The following SEMA6D variants were observed in gnomAD, a reference collection of about 807,000 sequenced individuals.
SEMA6D encodes semaphorin-6D.
In SEMA6D, 35 loss-of-function variants were observed where a neutral mutation model predicts 106.6. That is an observed-to-expected ratio of 0.33 (90% CI 0.25 to 0.44). The LOEUF (loss-of-function observed/expected upper bound fraction) is 0.44, where lower values mean the gene tolerates loss of function less well. SEMA6D is among the 20% of genes least tolerant of loss of function. The pLI is 1.00. For missense variants in SEMA6D, 1,185 were observed against 1,345.9 expected, an observed-to-expected ratio of 0.88 and a Z score of 1.87; for synonymous variants, 499 against 487.7, an observed-to-expected ratio of 1.02 and a Z score of -0.31.
chr15:47,638,753 C>G (rs915750116), intron 4 of SEMA6D, among the ~76,000 whole-genome samples: 1 of 152,184 alleles, frequency 6.6e-6, no homozygotes, highest in Non-Finnish European at 1.5e-5. Context: ...GCTCTCCCTC[C>G]GCATTTCTCG....
At chr15:47,737,227 G>C (rs1409287622) in intron 1 of SEMA6D, among the ~76,000 whole-genome samples, 2 of 152,150 alleles carry the variant, frequency 1.3e-5, no homozygotes, top group East Asian at 3.9e-4. Context: ...TGTTCTCTAG[G>C]AAGTTATCCT....
At chr15:47,267,982 C>T (rs1168323493) in intron 1 of SEMA6D, among the ~76,000 whole-genome samples, 1 of 152,036 alleles carries the variant, frequency 6.6e-6, no homozygotes, top group Non-Finnish European at 1.5e-5. Context: ...TGTCTAGGCC[C>T]TTGCTACCCA....
At chr15:47,197,050 G>T (rs1202010471) in intron 1 of SEMA6D, among the ~76,000 whole-genome samples, 1 of 152,124 alleles carries the variant, frequency 6.6e-6, no homozygotes, top group East Asian at 1.9e-4. Context: ...TCATCTATGT[G>T]GCCAAATGGG....
intron 3 of SEMA6D, among the ~76,000 whole-genome samples, chr15:47,536,482 C>T (rs1419398926): frequency 2.0e-5 from 3 of 152,260 alleles, no homozygotes; most frequent in East Asian, 1.9e-4. Flanking sequence ...CAGTCTCAGT[C>T]GTCAGATTGT....
intron 1 of SEMA6D, among the ~76,000 whole-genome samples, chr15:47,227,886 T>C (rs1464196724): frequency 6.9e-6 from 1 of 144,772 alleles, no homozygotes; most frequent in Non-Finnish European, 1.5e-5. Flanking sequence ...AAGAATCATA[T>C]ATATTTTATA....
At chr15:47,254,445 G>T (rs1189417694) in intron 1 of SEMA6D, among the ~76,000 whole-genome samples, 3 of 151,148 alleles carry the variant, frequency 2.0e-5, no homozygotes, top group Non-Finnish European at 4.4e-5. Context: ...AGTTGCTCCG[G>T]CTGGTACTTC....
At chr15:47,310,763 A>G (rs1160840859) in intron 1 of SEMA6D, among the ~76,000 whole-genome samples, 1 of 152,196 alleles carries the variant, frequency 6.6e-6, no homozygotes, top group Non-Finnish European at 1.5e-5. Context: ...CAAATGTTAC[A>G]CTATATCATA....
chr15:47,598,927 CT>C (rs2076589444), intron 3 of SEMA6D, among the ~76,000 whole-genome samples: 1 of 151,950 alleles, frequency 6.6e-6, no homozygotes, highest in African/African-American at 2.4e-5. Flanking sequence ...CTTAAAACAC[CT>C]TTCCACTCAA....
At position 47,569,787 on chromosome 15, in the gene SEMA6D, G is replaced by A. The variant is rs150169492; in HGVS notation, c.-86-31078G>A. Reference sequence around the variant, plus strand: ...ATTTTATAAGGATTTGAGGCCAGGCGCAGTGGCTTACACCTGTAATCCCAG... The same window carrying A: ...ATTTTATAAGGATTTGAGGCCAGGCACAGTGGCTTACACCTGTAATCCCAG... On this transcript the variant is annotated intron_variant, in intron 3 of 19. Transcript: ENST00000558014. Among the ~76,000 whole-genome samples the A allele has an allele frequency of 3.5e-3, 536 of 152,262 alleles. 1 individual carries two copies. The highest frequency in any genetic ancestry group is 5.7e-3 in the Non-Finnish European group (390 of 68,018).
intron 1 of SEMA6D, chr15:47,730,647 C>G: frequency 1.2e-6 from 2 of 1,602,512 alleles, no homozygotes; most frequent in East Asian, 2.2e-5. Flanking sequence ...TACTTGTGGG[C>G]CAGCTTATGC....
intron 1 of SEMA6D, among the ~76,000 whole-genome samples, chr15:47,202,950 T>C (rs964036828): frequency 5.9e-5 from 9 of 152,160 alleles, no homozygotes; most frequent in African/African-American, 2.2e-4. Flanking sequence ...CTGAGAGATA[T>C]CTCTCTCCAA....
intron 1 of SEMA6D, among the ~76,000 whole-genome samples, chr15:47,249,733 T>G (rs150060816): frequency 6.6e-6 from 1 of 151,910 alleles, no homozygotes; most frequent in African/African-American, 2.4e-5. Context: ...TGAATAAAGG[T>G]CCTTAGCAAA....
At chr15:47,536,035 T>C (rs895039581) in intron 3 of SEMA6D, among the ~76,000 whole-genome samples, 1 of 152,190 alleles carries the variant, frequency 6.6e-6, no homozygotes, top group African/African-American at 2.4e-5. Flanking sequence ...ATTTGGATTT[T>C]ATTTGGTTGG....
At chr15:47,423,815 G>C (rs1255126212) in intron 2 of SEMA6D, among the ~76,000 whole-genome samples, 1 of 151,936 alleles carries the variant, frequency 6.6e-6, no homozygotes. Context: ...CTGTGCCTTG[G>C]TGGTGGGGTT....
chr15:47,417,854 C>A (rs1191822686), intron 2 of SEMA6D, among the ~76,000 whole-genome samples: 1 of 151,340 alleles, frequency 6.6e-6, no homozygotes, highest in African/African-American at 2.4e-5. Flanking sequence ...ATTCATTGAA[C>A]AAATTATCGA....
At chr15:47,707,234 A>G (rs1479995972) in intron 4 of SEMA6D, among the ~76,000 whole-genome samples, 1 of 152,184 alleles carries the variant, frequency 6.6e-6, no homozygotes, top group East Asian at 1.9e-4. Context: ...GTTCATTTAC[A>G]CTTTAGCAGC....
chr15:47,700,126 C>CA (rs981047132), intron 4 of SEMA6D, among the ~76,000 whole-genome samples: 2 of 134,714 alleles, frequency 1.5e-5, no homozygotes, highest in African/African-American at 5.9e-5. Flanking sequence ...TGAAATAAAT[C>CA]AAAAAGGAAC....
intron 1 of SEMA6D, among the ~76,000 whole-genome samples, chr15:47,255,901 C>T (rs904547048): frequency 1.6e-4 from 25 of 152,068 alleles, no homozygotes; most frequent in African/African-American, 6.0e-4. Context: ...CAAAATGAAC[C>T]TGTTACCAAT....
At chr15:47,292,768 A>G (rs1212088153) in intron 1 of SEMA6D, among the ~76,000 whole-genome samples, 6 of 152,194 alleles carry the variant, frequency 3.9e-5, no homozygotes, top group Non-Finnish European at 2.9e-5. Flanking sequence ...GGGCCTGGGT[A>G]CTGTGTACAG....
Sources: gnomAD v4.1 joint callset for allele counts (sites outside exome capture counted in the v4.1 genomes callset) on GRCh38, gnomAD v4.1.1 for gene constraint, MANE v1.5 for transcripts, NCBI Gene and HGNC (gene_info 2026-07-23, HGNC 2026-07-21) for gene names.